SPATA6: variants seen among roughly 807,000 people sequenced by gnomAD.
SPATA6 encodes spermatogenesis-associated protein 6.
In SPATA6, 56 loss-of-function variants were observed where a neutral mutation model predicts 65.3. The ratio of observed to expected loss-of-function variants is 0.86; its 90% CI spans 0.69 to 1.07. The LOEUF is 1.07. Ranked by LOEUF, SPATA6 falls within the 50% of genes least tolerant of loss-of-function variation. The pLI is 0.00. For synonymous variants in SPATA6, 199 were observed against 213.2 expected, an observed-to-expected ratio of 0.93 and a Z score of 0.58; for missense variants, 590 against 594.8, an observed-to-expected ratio of 0.99 and a Z score of 0.08.
intron 3 of SPATA6, among the ~76,000 whole-genome samples, chr1:48,414,996 A>T (rs547413603): frequency 1.3e-4 from 18 of 142,444 alleles, no homozygotes; most frequent in African/African-American, 4.8e-4. Flanking sequence ...CAGAAATTCT[A>T]AAAAAAAAAA....
intron 11 of SPATA6, among the ~76,000 whole-genome samples, chr1:48,330,926 CCAA>C (rs1645898142): frequency 6.6e-6 from 1 of 152,176 alleles, no homozygotes. Flanking sequence ...ACCACAACCC[CCAA>C]CAAAAGAAAT....
chr1:48,417,425 T>C (rs78978482), intron 3 of SPATA6, among the ~76,000 whole-genome samples: 8,673 of 152,122 alleles, frequency 0.057, 312 homozygotes, highest in Non-Finnish European at 0.083. Flanking sequence ...AAGTTGAAAA[T>C]TAATAGAGAA....
chr1:48,320,509 C>G (rs112851284), intron 11 of SPATA6, among the ~76,000 whole-genome samples: 1 of 152,188 alleles, frequency 6.6e-6, no homozygotes, highest in Non-Finnish European at 1.5e-5. Flanking sequence ...AATAGTATAT[C>G]TGGCAAAAAG....
At position 48,399,495 on chromosome 1, in the gene SPATA6, A is replaced by G; in HGVS notation, c.636T>C (p.Ser212=). The G allele has an allele frequency of 6.2e-7, 1 of 1,613,336 alleles. No homozygotes were observed. Residue 212 remains serine, a synonymous_variant, in exon 7 of 13, where the codon TCT becomes TCC. Transcript: ENST00000371847. The part of the protein sequence containing the change: ...NAKNYEQPTI[S]SKSHSPSPYT... ...AGGGAGATGGAGAGTGTGATTTTGA[A>G]GAAATTGTAGGCTGTTCGTAGTTTT...
intron 11 of SPATA6, among the ~76,000 whole-genome samples, chr1:48,313,766 C>G (rs984759243): frequency 6.6e-6 from 1 of 152,082 alleles, no homozygotes; most frequent in Non-Finnish European, 1.5e-5. Context: ...GATAAAGAGT[C>G]AAGACCCATC....
the SPATA6 span, chr1:48,262,548 C>T: frequency 6.6e-6 from 1 of 151,984 alleles, no homozygotes; most frequent in African/African-American, 2.4e-5. Flanking sequence ...ATCTAAATGT[C>T]CAATAGAGGA....
At chr1:48,443,939 A>G (rs1655758293) in intron 3 of SPATA6, among the ~76,000 whole-genome samples, 1 of 152,192 alleles carries the variant, frequency 6.6e-6, no homozygotes, top group South Asian at 2.1e-4. Context: ...GGACCCCTGG[A>G]CCGACCCACT....
At chr1:48,316,504 C>T (rs1485535195) in intron 11 of SPATA6, among the ~76,000 whole-genome samples, 1 of 152,116 alleles carries the variant, frequency 6.6e-6, no homozygotes, top group East Asian at 1.9e-4. Flanking sequence ...AACTGGATCC[C>T]TTCCTACACC....
the SPATA6 span, among the ~76,000 whole-genome samples, chr1:48,286,265 G>GT: frequency 8.6e-3 from 1,301 of 151,502 alleles, 22 homozygotes; most frequent in African/African-American, 0.03. Context: ...ATTGCTTTGG[G>GT]TAGTACAGAC....
chr1:48,289,298 GA>G, the SPATA6 span, among the ~76,000 whole-genome samples: 3 of 152,188 alleles, frequency 2.0e-5, no homozygotes, highest in Non-Finnish European at 2.9e-5. Context: ...CTGTTTGAAG[GA>G]AAACTAAAAA....
At chr1:48,286,386 C>T in the SPATA6 span, among the ~76,000 whole-genome samples, 635 of 152,190 alleles carry the variant, frequency 4.2e-3, 8 homozygotes, top group South Asian at 0.045. Flanking sequence ...TCTTTCATCT[C>T]TTTGGTTAAT....
intron 5 of SPATA6, among the ~76,000 whole-genome samples, chr1:48,404,657 T>TAA (rs201375735): frequency 6.6e-6 from 1 of 151,814 alleles, no homozygotes; most frequent in Non-Finnish European, 1.5e-5. Context: ...CATTAAAATT[T>TAA]AAAAAAAACA....
intron 11 of SPATA6, among the ~76,000 whole-genome samples, chr1:48,330,601 T>C (rs1261980214): frequency 2.0e-5 from 3 of 152,206 alleles, no homozygotes; most frequent in African/African-American, 4.8e-5. Context: ...CTGCCAATCA[T>C]AGCCAGGCAG....
chr1:48,302,733 C>T (rs1043494114), intron 12 of SPATA6, among the ~76,000 whole-genome samples: 1 of 152,150 alleles, frequency 6.6e-6, no homozygotes, highest in Non-Finnish European at 1.5e-5. Context: ...TGCATATGTA[C>T]AGCCTTATGC....
At chr1:48,411,387 A>G in intron 5 of SPATA6, 77 bp downstream of exon 5, 3 of 1,438,932 alleles carry the variant, frequency 2.1e-6, no homozygotes, top group Non-Finnish European at 2.8e-6. Context: ...TTCACATTTA[A>G]GATGGCGAGC....
intron 11 of SPATA6, among the ~76,000 whole-genome samples, chr1:48,316,127 A>G (rs1457131099): frequency 6.6e-6 from 1 of 152,182 alleles, no homozygotes; most frequent in African/African-American, 2.4e-5. Context: ...TTACAGATTC[A>G]ATGCCAACCC....
chr1:48,423,049 T>C (rs933788381), intron 3 of SPATA6, among the ~76,000 whole-genome samples: 12 of 152,180 alleles, frequency 7.9e-5, no homozygotes, highest in Non-Finnish European at 7.3e-5. Flanking sequence ...TAGATAATTC[T>C]AACAGACACT....
Position 48,470,958 on chromosome 1 carries a change from T to C in SPATA6, c.51+1000A>G, listed in dbSNP as rs138617676. On this transcript the variant is annotated intron_variant, in intron 1 of 12. Coordinates refer to ENST00000371847, the MANE Select transcript of SPATA6 (RefSeq NM_019073.4). Reference sequence around the variant, plus strand: ...TGGTTCCAAACTCCGTACAGGTCTGTGCCTGCAGGACTAAAACGGGGTGTG... The same window carrying C: ...TGGTTCCAAACTCCGTACAGGTCTGCGCCTGCAGGACTAAAACGGGGTGTG... 9.4e-4 allele frequency among the ~76,000 whole-genome samples: 143 copies of C among 152,302 alleles called. 3 individuals carry two copies. In the East Asian group the frequency reaches 0.024, roughly 25 times the overall value.
chr1:48,294,202 G>A (rs1300727584), downstream of SPATA6, among the ~76,000 whole-genome samples: 2 of 151,996 alleles, frequency 1.3e-5, no homozygotes, highest in Non-Finnish European at 2.9e-5. Context: ...TCATACTCCC[G>A]AGTAGCTGGG....
Sources: gnomAD v4.1 joint callset for allele counts (sites outside exome capture counted in the v4.1 genomes callset) on GRCh38, gnomAD v4.1.1 for gene constraint, MANE v1.5 for transcripts, NCBI Gene and HGNC (gene_info 2026-07-23, HGNC 2026-07-21) for gene names.